Variants in OTOGL observed in about 807,000 individuals in gnomAD.
OTOGL encodes the protein otogelin-like protein.
Under a neutral mutation model 318.5 loss-of-function variants are expected in OTOGL, and 285 were observed. The ratio of observed to expected loss-of-function variants is 0.89; its 90% CI spans 0.81 to 0.99. The LOEUF (loss-of-function observed/expected upper bound fraction) is 0.99, where lower values mean the gene tolerates loss of function less well. Among genes scored for constraint, OTOGL ranks in the 50% least tolerant of loss-of-function variants. The pLI, the probability that OTOGL is intolerant of heterozygous loss-of-function variation, is 0.00. For synonymous variants in OTOGL, 987 were observed against 936.5 expected (o/e 1.05, Z -0.99); for missense variants, 2,899 against 2,845.6 (o/e 1.02, Z -0.43).
intron 22 of OTOGL, 118 bp downstream of exon 22, chr12:80,267,445 A>G (rs1045969378): frequency 1.5e-5 from 6 of 403,030 alleles, no homozygotes; most frequent in Non-Finnish European, 2.2e-5. Context: ...GTATATGTGT[A>G]CAACGTGCAG....
chr12:80,177,250 T>C (rs1177489870), intron 1 of OTOGL, among the ~76,000 whole-genome samples: 1 of 143,200 alleles, frequency 7.0e-6, no homozygotes, highest in Non-Finnish European at 1.5e-5. Flanking sequence ...AAATTTTAGC[T>C]ATTAATTTAA....
At chr12:80,102,352 G>A (rs1869188662) in intron 1 of OTOGL, among the ~76,000 whole-genome samples, 4 of 152,092 alleles carry the variant, frequency 2.6e-5, no homozygotes, top group Admixed American at 2.6e-4. Context: ...TGTCCTTGTG[G>A]CTTTTCCCTC....
rs1444076627 is a variant in OTOGL, at chr12:80,222,243, T to A, written c.487T>A (p.Trp163Arg). Residue 163 changes from tryptophan (W) to arginine (R), a missense_variant and splice_region_variant, in exon 7 of 59, where the codon TGG becomes AGG. Transcript: ENST00000547103. ...CGDLEPRYTV[W>R]VHNSPKCLGS... is the part of the protein sequence containing the mutation. ...TGATTTGGAGCCTCGGTACACTGTATGGGTAGGTGATTGTAGGACATGATT... is the reference window on the plus strand; with the variant it reads ...TGATTTGGAGCCTCGGTACACTGTAAGGGTAGGTGATTGTAGGACATGATT... 1.3e-6 allele frequency: 2 copies of A among 1,584,528 alleles called. No individual in the cohort carries two copies. Among genetic ancestry groups the A allele is most frequent in the Non-Finnish European group, 1.7e-6 (2 of 1,171,742 alleles).
At chr12:80,240,573 C>T (rs1262433858) in intron 11 of OTOGL, among the ~76,000 whole-genome samples, 1 of 151,788 alleles carries the variant, frequency 6.6e-6, no homozygotes, top group Non-Finnish European at 1.5e-5. Context: ...GAGTCTGTAA[C>T]AATGGAAAAT....
chr12:80,343,525 T>TTTTTTC (rs1555301039), intron 44 of OTOGL: 9 of 133,906 alleles, frequency 6.7e-5, no homozygotes, highest in African/African-American at 2.7e-4. Flanking sequence ...TTTTTTTTTT[T>TTTTTTC]TTTTTTTTTT....
chr12:80,128,668 T>G (rs1483665209), intron 1 of OTOGL, among the ~76,000 whole-genome samples: 1 of 152,312 alleles, frequency 6.6e-6, no homozygotes, highest in Non-Finnish European at 1.5e-5. Context: ...CAGGCCTCCA[T>G]GAGCTGTGGT....
At chr12:80,148,239 G>C (rs1159353371) in intron 1 of OTOGL, among the ~76,000 whole-genome samples, 1 of 146,100 alleles carries the variant, frequency 6.8e-6, no homozygotes, top group African/African-American at 2.5e-5. Flanking sequence ...GCTCTTGTAG[G>C]GCAGGTCCGG....
chr12:80,147,438 G>C (rs540896294), intron 1 of OTOGL, among the ~76,000 whole-genome samples: 4 of 151,184 alleles, frequency 2.6e-5, no homozygotes, highest in South Asian at 2.1e-4. Context: ...TATAATCTCT[G>C]TTCTTTTACA....
intron 1 of OTOGL, among the ~76,000 whole-genome samples, chr12:80,105,932 A>C (rs10746148): frequency 6.6e-6 from 1 of 152,014 alleles, no homozygotes; most frequent in Non-Finnish European, 1.5e-5. Context: ...TCAACCATTT[A>C]CGGATAAAAA....
At chr12:80,232,765 T>C in intron 8 of OTOGL, 127 bp from the exon 9 acceptor site, 1 of 875,144 alleles carries the variant, frequency 1.1e-6, no homozygotes, top group Non-Finnish European at 1.7e-6. Flanking sequence ...GAGCTCTTGC[T>C]GCACAGCTTA....
At chr12:80,154,315 G>A (rs1018328756) in intron 1 of OTOGL, among the ~76,000 whole-genome samples, 1 of 151,834 alleles carries the variant, frequency 6.6e-6, no homozygotes, top group South Asian at 2.1e-4. Flanking sequence ...TTAAAAAGGG[G>A]GGGAAAAAGA....
At position 80,329,126 on chromosome 12, in the gene OTOGL, T is replaced by A; in HGVS notation, c.4348+7T>A. 6.6e-7 allele frequency: 1 copy of A among 1,507,404 alleles called. No homozygotes were observed. The highest frequency in any genetic ancestry group is 8.8e-7 in the Non-Finnish European group (1 of 1,134,568). The allele number at this position is 1,507,404 out of a possible 1,614,324, so 93.4% of individuals were successfully genotyped here. A position where few individuals can be genotyped will look rare whatever the true frequency, so the allele number is the denominator to read the frequency against. ...ACTGTGCCCATGTTTACAGGTATTG[T>A]TATAATTTTAGACAACAAAAGTAGC... is the stretch of plus-strand genomic sequence containing the variant. On this transcript the variant is annotated splice_region_variant and intron_variant, in intron 37 of 58. Coordinates refer to ENST00000547103, the MANE Select transcript of OTOGL (RefSeq NM_001378609.3).
intron 25 of OTOGL, 110 bp from the exon 26 acceptor site, chr12:80,278,918 A>G: frequency 8.0e-7 from 1 of 1,247,518 alleles, no homozygotes; most frequent in Non-Finnish European, 1.1e-6. Flanking sequence ...TTCGTAAGGG[A>G]TATTGACTCA....
rs982966892 is a variant in OTOGL at position 80,229,491 on chromosome 12, A to T, written c.611+113A>T. ...GTAGGAAGAGAGGATTTCTTCAACA[A>T]TACTCTTAAAGCTATAACATACAGA... On this transcript the variant is annotated intron_variant, in intron 8 of 58. Coordinates refer to ENST00000547103, the MANE Select transcript of OTOGL (RefSeq NM_001378609.3). The T allele has an allele frequency of 1.5e-5, 20 of 1,337,488 alleles. No homozygotes were observed. The African/African-American group carries it at 2.5e-4, about 17-fold the overall frequency. The allele number at this position is 1,337,488 out of a possible 1,614,324, so 82.9% of individuals were successfully genotyped here.
intron 1 of OTOGL, among the ~76,000 whole-genome samples, chr12:80,101,235 G>A (rs1221470177): frequency 3.3e-5 from 5 of 152,334 alleles, no homozygotes; most frequent in African/African-American, 4.8e-5. Flanking sequence ...TTCCGCAAGA[G>A]TTCAAATACA....
In OTOGL at chr12:80,279,126, A is replaced by C; in HGVS notation, c.2888A>C (p.Glu963Ala). ...DRHYYSFDGL[E>A]YDYISDCQVF... ...CATTATTATTCTTTTGATGGACTAG[A>C]ATATGACTATATCAGTGATTGCCAG... Residue 963 changes from glutamate to alanine, a missense_variant, in exon 26 of 59, where the codon GAA becomes GCA. Physicochemically the swap from Glu to Ala is moderately radical, Grantham distance 107. Transcript: ENST00000547103. 11 of 1,594,854 alleles carry C rather than the reference A, an allele frequency of 6.9e-6. No individual in the cohort carries two copies. Among genetic ancestry groups the C allele is most frequent in the Non-Finnish European group, 7.6e-6 (9 of 1,176,510 alleles).
chr12:80,270,283 A>G lies in OTOGL; in HGVS notation c.2518+129A>G, dbSNP rs1336756847. The G allele has an allele frequency of 6.8e-6, 5 of 735,912 alleles. No homozygotes were observed. In the African/African-American group the frequency reaches 7.1e-5, roughly 11 times the overall value. 45.6% of individuals were successfully genotyped at this position (735,912 alleles called of 1,614,324 possible). A position where few individuals can be genotyped will look rare whatever the true frequency, so the allele number is the denominator to read the frequency against. ...TATAGCCTTGGGAATGTTCTTCAAC[A>G]TGGTGTTCCAGTGCTTCTTAACTTT... is the stretch of plus-strand genomic sequence containing the variant. On this transcript the variant is annotated intron_variant, in intron 23 of 58. Coordinates refer to ENST00000547103, the MANE Select transcript of OTOGL (RefSeq NM_001378609.3).
chr12:80,349,594 G>A (rs771602740), intron 44 of OTOGL, among the ~76,000 whole-genome samples: 2 of 152,112 alleles, frequency 1.3e-5, no homozygotes, highest in South Asian at 2.1e-4. Context: ...GCAAGTGGAC[G>A]TGCTAATGGC....
intron 13 of OTOGL, among the ~76,000 whole-genome samples, 164 bp from the exon 14 acceptor site, chr12:80,253,302 C>A (rs1462030803): frequency 6.6e-6 from 1 of 152,154 alleles, no homozygotes; most frequent in Non-Finnish European, 1.5e-5. Flanking sequence ...AAGGTAGCTA[C>A]TGCCTGAGAG....
Sources: allele counts gnomAD v4.1 joint callset (sites outside exome capture counted in the v4.1 genomes callset), GRCh38; gene constraint gnomAD v4.1.1; transcripts MANE v1.5; gene names NCBI Gene and HGNC (gene_info 2026-07-23, HGNC 2026-07-21).